MAPRE3: variants seen among roughly 807,000 people sequenced by gnomAD.
MAPRE3 encodes the protein microtubule associated protein RP/EB family member 3.
In MAPRE3, 2 loss-of-function variants were observed where a neutral mutation model predicts 30.5. The ratio of observed to expected loss-of-function variants is 0.07; its 90% CI spans 0.03 to 0.21. The LOEUF (loss-of-function observed/expected upper bound fraction) is 0.21, where lower values mean the gene tolerates loss of function less well. Among genes scored for constraint, MAPRE3 ranks in the 10% least tolerant of loss-of-function variants. MAPRE3 has a pLI of 1.00. For synonymous variants in MAPRE3, 110 were observed against 127.7 expected, an observed-to-expected ratio of 0.86 and a Z score of 0.93; for missense variants, 204 against 351.8, an observed-to-expected ratio of 0.58 and a Z score of 3.36.
Position 26,975,581 on chromosome 2 carries a change from G to A in MAPRE3, c.-8+4779G>A, listed in dbSNP as rs140154890. On this transcript the variant is annotated intron_variant, in intron 1 of 6. Coordinates refer to ENST00000233121, the MANE Select transcript of MAPRE3 (RefSeq NM_012326.4). ...AAAGATTGAAAAGAAACGCAATAAT[G>A]TTTACCTCTGGGAGGTGGGATTTGG... 6.1e-3 allele frequency among the ~76,000 whole-genome samples: 934 copies of A among 152,202 alleles called. 9 individuals carry two copies. The highest frequency in any genetic ancestry group is 0.022 in the African/African-American group (912 of 41,470).
intron 1 of MAPRE3, among the ~76,000 whole-genome samples, chr2:26,982,992 T>G (rs2148199599): frequency 6.6e-6 from 1 of 152,190 alleles, no homozygotes; most frequent in East Asian, 1.9e-4. Context: ...CTCTCAAGAT[T>G]TGGAGTAGCA....
intron 1 of MAPRE3, chr2:27,009,837 C>G (rs1392170413): frequency 1.3e-5 from 2 of 152,248 alleles, no homozygotes; most frequent in Non-Finnish European, 2.9e-5. Context: ...CAAAGCTTTC[C>G]CTGATGCAGG....
Position 27,004,441 on chromosome 2 carries a change from G to T in MAPRE3, c.-7-17771G>T, listed in dbSNP as rs578234571. ...CCCCTCATTTTCTAGGCAAAAATATGATAAGAGAGTAGCTTGGATAATGTC... is the reference window on the plus strand; with the variant it reads ...CCCCTCATTTTCTAGGCAAAAATATTATAAGAGAGTAGCTTGGATAATGTC... On this transcript the variant is annotated intron_variant, in intron 1 of 6. Transcript: ENST00000233121. 1.8e-4 allele frequency among the ~76,000 whole-genome samples: 28 copies of T among 152,200 alleles called. No individual in the cohort carries two copies. In the South Asian group the frequency reaches 5.4e-3, roughly 29 times the overall value.
chr2:26,991,656 TCA>T (rs1666345868), intron 1 of MAPRE3, among the ~76,000 whole-genome samples: 1 of 152,214 alleles, frequency 6.6e-6, no homozygotes, highest in East Asian at 1.9e-4. Context: ...TGGCCTATTT[TCA>T]CACAGTTTAT....
At chr2:27,005,599 G>C (rs959009535) in intron 1 of MAPRE3, among the ~76,000 whole-genome samples, 10 of 152,186 alleles carry the variant, frequency 6.6e-5, no homozygotes, top group African/African-American at 2.2e-4. Flanking sequence ...GAGTGGTTAG[G>C]GTTTTGGTTC....
chr2:27,017,077 C>T (rs1027425227), intron 1 of MAPRE3, among the ~76,000 whole-genome samples: 2 of 152,186 alleles, frequency 1.3e-5, no homozygotes, highest in Admixed American at 6.5e-5. Flanking sequence ...CTTACAGAGC[C>T]AAAGCTACGA....
In MAPRE3 at chr2:26,996,115, A is replaced by AATTTTATTTTATTTTATTTTATTTT. The variant is rs60224906; in HGVS notation, c.-8+25338_-8+25362dup. Among the ~76,000 whole-genome samples the AATTTTATTTTATTTTATTTTATTTT allele has an allele frequency of 6.4e-4, 84 of 130,718 alleles. 1 individual carries two copies. Among genetic ancestry groups the AATTTTATTTTATTTTATTTTATTTT allele is most frequent in the African/African-American group, 2.3e-3 (79 of 34,894 alleles). The allele number at this position is 130,718 out of a possible 152,430, so 85.8% of individuals were successfully genotyped here. ...AACAGATGAGACATTAGAAGATAGG[A>AATTTTATTTTATTTTATTTTATTTT]ATTTTATTTTATTTTATTTTATTTT... On this transcript the variant is annotated intron_variant, in intron 1 of 6. Transcript: ENST00000233121.
chr2:27,026,285 A>AT lies in MAPRE3; in HGVS notation c.785dup (p.Ala263ArgfsTer4). On this transcript the variant is annotated frameshift_variant, in exon 7 of 7. Coordinates refer to ENST00000233121, the MANE Select transcript of MAPRE3 (RefSeq NM_012326.4). LOFTEE classifies it high-confidence loss of function. ...CTCTCTCTCCCACCCTCCAGGAAGG[A>AT]TTCGCACCCCCTGAGGACGATGAGA... 1.9e-6 allele frequency: 3 copies of AT among 1,613,664 alleles called. No individual in the cohort carries two copies. Among genetic ancestry groups the AT allele is most frequent in the Non-Finnish European group, 2.5e-6 (3 of 1,179,772 alleles).
chr2:26,970,964 T>C (rs1275206464), intron 1 of MAPRE3, among the ~76,000 whole-genome samples, 162 bp downstream of exon 1: 3 of 111,352 alleles, frequency 2.7e-5, no homozygotes, highest in East Asian at 2.9e-4. Flanking sequence ...CCTCCATCCC[T>C]GTCGCCGGGT....
chr2:26,992,510 C>T (rs574251919), intron 1 of MAPRE3, among the ~76,000 whole-genome samples: 294 of 151,794 alleles, frequency 1.9e-3, no homozygotes, highest in Non-Finnish European at 3.4e-3. Context: ...CAGGCATGAA[C>T]CACTGCACCC....
chr2:27,002,834 C>G (rs1265659722), intron 1 of MAPRE3: 4 of 152,256 alleles, frequency 2.6e-5, no homozygotes, highest in African/African-American at 9.6e-5. Flanking sequence ...AGTCCTAATT[C>G]AAGGCCATCC....
chr2:26,984,515 G>A (rs549147411), intron 1 of MAPRE3, among the ~76,000 whole-genome samples: 122 of 152,356 alleles, frequency 8.0e-4, no homozygotes, highest in African/African-American at 2.7e-3. Flanking sequence ...CACTCAGACA[G>A]CAGTGGCACC....
intron 1 of MAPRE3, among the ~76,000 whole-genome samples, chr2:26,993,610 T>C (rs1666395888): frequency 1.3e-5 from 2 of 151,598 alleles, no homozygotes. Context: ...TCTGGGGAGG[T>C]CGGGAGGATG....
chr2:26,995,780 G>GTGTGTGTGT (rs1666439666), intron 1 of MAPRE3, among the ~76,000 whole-genome samples: 1 of 109,694 alleles, frequency 9.1e-6, no homozygotes, highest in Non-Finnish European at 1.8e-5. Context: ...TTCTAAGAGA[G>GTGTGTGTGT]GTGTGTGTGT....
At chr2:26,991,428 A>C (rs927824967) in intron 1 of MAPRE3, among the ~76,000 whole-genome samples, 3 of 152,156 alleles carry the variant, frequency 2.0e-5, no homozygotes, top group African/African-American at 7.2e-5. Context: ...CTACAGCCTC[A>C]CCACAAAAGA....
intron 1 of MAPRE3, among the ~76,000 whole-genome samples, chr2:26,981,973 A>G (rs1666122392): frequency 6.6e-6 from 1 of 152,148 alleles, no homozygotes; most frequent in Admixed American, 6.5e-5. Context: ...CTCCAGACAG[A>G]TAGAGTCCCT....
intron 1 of MAPRE3, among the ~76,000 whole-genome samples, chr2:26,995,863 G>C (rs1416202241): frequency 2.2e-5 from 3 of 138,158 alleles, no homozygotes; most frequent in Non-Finnish European, 4.6e-5. Flanking sequence ...CTCCCCACAA[G>C]ATACTAATGG....
At position 27,026,372 on chromosome 2, in the gene MAPRE3, TG is replaced by T; in HGVS notation, c.*25del. 6.3e-7 allele frequency: 1 copy of T among 1,599,130 alleles called. No individual in the cohort carries two copies. Among genetic ancestry groups the T allele is most frequent in the Non-Finnish European group, 8.6e-7 (1 of 1,169,458 alleles). ...GAGGGCGGCCGCAGCCCTGGCTGAC[TG>T]CACAGCTTCCCCGTGCCTCCCTCCC... On this transcript the variant is annotated 3_prime_UTR_variant, in exon 7 of 7. Transcript: ENST00000233121.
At chr2:27,020,751 T>C (rs759133469) in intron 1 of MAPRE3, among the ~76,000 whole-genome samples, 8 of 152,254 alleles carry the variant, frequency 5.3e-5, no homozygotes, top group Non-Finnish European at 1.0e-4. Context: ...GTCTCTTTTA[T>C]GACTGCTGGC....
Sources: gnomAD v4.1 joint callset for allele counts (sites outside exome capture counted in the v4.1 genomes callset) on GRCh38, gnomAD v4.1.1 for gene constraint, MANE v1.5 for transcripts, NCBI Gene and HGNC (gene_info 2026-07-23, HGNC 2026-07-21) for gene names.